ZNF407: variants seen among roughly 807,000 people sequenced by gnomAD.
ZNF407 encodes the protein zinc finger protein 407.
In ZNF407, 17 loss-of-function variants were observed where a neutral mutation model predicts 131.2. The observed-to-expected ratio is 0.13, with a 90% CI of 0.09 to 0.19. The LOEUF is 0.19. ZNF407 is among the 10% of genes least tolerant of loss of function. The probability of loss-of-function intolerance (pLI) is 1.00; values close to 1 mark genes in which losing one functional copy is unlikely to be tolerated. For synonymous variants in ZNF407, 1,156 were observed against 1,062.0 expected (o/e 1.09, Z -1.72); for missense variants, 2,681 against 2,830.6 (o/e 0.95, Z 1.20).
intron 8 of ZNF407, among the ~76,000 whole-genome samples, chr18:74,979,331 G>A (rs984402200): frequency 2.6e-5 from 4 of 152,086 alleles, no homozygotes; most frequent in South Asian, 2.1e-4. Flanking sequence ...ATATATAGTC[G>A]CCCAGGTCGG....
intron 8 of ZNF407, among the ~76,000 whole-genome samples, chr18:75,012,953 A>ATT (rs759722835): frequency 0.046 from 6,153 of 133,854 alleles, 127 homozygotes; most frequent in Non-Finnish European, 0.05. Context: ...CCTTTTTTAA[A>ATT]AAAAAAAAAA....
At chr18:74,662,074 G>A (rs1985740067) in intron 3 of ZNF407, among the ~76,000 whole-genome samples, 1 of 150,730 alleles carries the variant, frequency 6.6e-6, no homozygotes, top group South Asian at 2.1e-4. Flanking sequence ...CAACTGGAAT[G>A]CAGCAAAGCA....
rs182432026 is a variant in ZNF407 at position 74,857,875 on chromosome 18, T to G, written c.4878-19322T>G. ...TTTCCTTGGTATTGTGTTTTGGTTG[T>G]CTGGCTGTTCTTCCTCCCCTCCCCT... On this transcript the variant is annotated intron_variant, in intron 4 of 8. Coordinates refer to ENST00000299687, the MANE Select transcript of ZNF407 (RefSeq NM_017757.3). 1.0e-3 allele frequency among the ~76,000 whole-genome samples: 154 copies of G among 151,876 alleles called. 3 individuals carry two copies. Among genetic ancestry groups the G allele is most frequent in the Admixed American group, 1.0e-2 (152 of 15,248 alleles).
chr18:74,837,815 A>C (rs1970578970), intron 4 of ZNF407, among the ~76,000 whole-genome samples: 1 of 151,900 alleles, frequency 6.6e-6, no homozygotes, highest in South Asian at 2.1e-4. Flanking sequence ...CATCACACCC[A>C]GCTAATTTTT....
intron 4 of ZNF407, among the ~76,000 whole-genome samples, chr18:74,843,234 C>G (rs1294455626): frequency 6.6e-6 from 1 of 151,990 alleles, no homozygotes. Flanking sequence ...CCTGCTTCAT[C>G]TTCTTTGGAA....
intron 3 of ZNF407, among the ~76,000 whole-genome samples, chr18:74,766,687 TCA>T (rs1410364864): frequency 6.6e-6 from 1 of 152,170 alleles, no homozygotes; most frequent in Admixed American, 6.5e-5. Context: ...ATGTACATGT[TCA>T]GTACACAATC....
intron 8 of ZNF407, among the ~76,000 whole-genome samples, chr18:75,011,928 C>T (rs375741874): frequency 1.3e-5 from 2 of 151,696 alleles, no homozygotes; most frequent in Non-Finnish European, 2.9e-5. Context: ...TTTTAATAGC[C>T]TAGTAAAATT....
At chr18:74,616,416 C>G (rs1009751091) in intron 1 of ZNF407, among the ~76,000 whole-genome samples, 26 of 152,074 alleles carry the variant, frequency 1.7e-4, no homozygotes, top group Non-Finnish European at 3.2e-4. Flanking sequence ...AAGGTTTTGT[C>G]AGGTCTAAGA....
At chr18:74,624,122 T>G (rs1983684363) in intron 1 of ZNF407, among the ~76,000 whole-genome samples, 1 of 152,200 alleles carries the variant, frequency 6.6e-6, no homozygotes, top group African/African-American at 2.4e-5. Flanking sequence ...AGATCACGCC[T>G]TCCTCTGAGA....
At chr18:74,855,854 G>A (rs1262568117) in intron 4 of ZNF407, among the ~76,000 whole-genome samples, 2 of 152,186 alleles carry the variant, frequency 1.3e-5, no homozygotes, top group Non-Finnish European at 2.9e-5. Flanking sequence ...ATTATTTGGT[G>A]TTGGAAGTTA....
At chr18:74,889,336 T>G (rs763119669) in intron 6 of ZNF407, among the ~76,000 whole-genome samples, 1 of 152,214 alleles carries the variant, frequency 6.6e-6, no homozygotes, top group Non-Finnish European at 1.5e-5. Context: ...ATCTGTTATA[T>G]CTACACAGGG....
chr18:75,046,366 G>A (rs991455274), intron 8 of ZNF407, among the ~76,000 whole-genome samples: 6 of 152,124 alleles, frequency 3.9e-5, no homozygotes, highest in Admixed American at 1.3e-4. Flanking sequence ...TGCAGACATC[G>A]AACCAATGGA....
chr18:74,804,840 T>A (rs1405252872), intron 4 of ZNF407, among the ~76,000 whole-genome samples: 1 of 152,212 alleles, frequency 6.6e-6, no homozygotes, highest in East Asian at 1.9e-4. Context: ...GCTTTCTGAA[T>A]ATTATCCTCC....
chr18:74,980,021 T>C (rs1156366717), intron 8 of ZNF407, among the ~76,000 whole-genome samples: 1 of 152,150 alleles, frequency 6.6e-6, no homozygotes, highest in African/African-American at 2.4e-5. Context: ...GGAGAAATAC[T>C]GCGAATATTA....
rs753726742 is a variant in ZNF407 at position 74,632,830 on chromosome 18, G to C, written c.1811G>C (p.Arg604Thr). 7.4e-6 allele frequency: 12 copies of C among 1,613,810 alleles called. No homozygotes were observed. The highest frequency in any genetic ancestry group is 1.0e-5 in the Non-Finnish European group (12 of 1,179,872). ...ATATCCTTGGATGAAATAAATCTTA[G>C]AGACCACATGAAGGAAAAGCACAAT... Reference protein sequence around the residue: ...SFISLDEINLRDHMKEKHNMH... With the variant: ...SFISLDEINLTDHMKEKHNMH... The change falls in exon 2 of 9, where the codon AGA becomes ACA. Residue 604 changes from arginine to threonine, a missense_variant. This residue lies in a region of ZNF407 where 1,789 missense variants were observed against 1,748.7 expected (regional missense o/e 1.02). Coordinates refer to ENST00000299687, the MANE Select transcript of ZNF407 (RefSeq NM_017757.3).
At chr18:74,900,580 A>G (rs1183999451) in intron 7 of ZNF407, among the ~76,000 whole-genome samples, 2 of 152,202 alleles carry the variant, frequency 1.3e-5, no homozygotes, top group African/African-American at 2.4e-5. Flanking sequence ...TGCTTTCAAT[A>G]TAGTCTTTTA....
chr18:74,993,587 C>CTA (rs1568294861), intron 8 of ZNF407, among the ~76,000 whole-genome samples: 1 of 152,172 alleles, frequency 6.6e-6, no homozygotes, highest in African/African-American at 2.4e-5. Context: ...ACTCATTGAG[C>CTA]TATACACTTA....
intron 3 of ZNF407, among the ~76,000 whole-genome samples, chr18:74,728,039 C>A (rs547851402): frequency 2.0e-5 from 3 of 151,968 alleles, no homozygotes; most frequent in African/African-American, 7.3e-5. Context: ...ACCCTTGGGG[C>A]AGATGTGGTT....
At chr18:75,029,036 A>C (rs1266518395) in intron 8 of ZNF407, among the ~76,000 whole-genome samples, 1 of 152,222 alleles carries the variant, frequency 6.6e-6, no homozygotes, top group African/African-American at 2.4e-5. Flanking sequence ...GTAGTCACGA[A>C]TAAAATTAGC....
Sources: gnomAD v4.1 joint callset for allele counts (sites outside exome capture counted in the v4.1 genomes callset) on GRCh38, gnomAD v4.1.1 for gene constraint, gnomAD v4.1.1 regional missense constraint, MANE v1.5 for transcripts, NCBI Gene and HGNC (gene_info 2026-07-23, HGNC 2026-07-21) for gene names.